Variants in RELN observed in about 807,000 individuals in gnomAD.
RELN encodes reelin.
In RELN, 108 loss-of-function variants were observed where a neutral mutation model predicts 427.6. The observed-to-expected ratio is 0.25, with a 90% CI of 0.22 to 0.30. RELN has a LOEUF of 0.30. Among genes scored for constraint, RELN ranks in the 10% least tolerant of loss-of-function variants. The pLI is 1.00. For synonymous variants in RELN, 1,524 were observed against 1,513.4 expected (o/e 1.01, Z -0.16); for missense variants, 3,715 against 4,302.8 (o/e 0.86, Z 3.82).
At chr7:103,936,267 A>C (rs948525991) in intron 1 of RELN, among the ~76,000 whole-genome samples, 2 of 151,928 alleles carry the variant, frequency 1.3e-5, no homozygotes, top group East Asian at 3.9e-4. Context: ...TAATTAATGT[A>C]TTTTTAGTAG....
intron 3 of RELN, among the ~76,000 whole-genome samples, chr7:103,828,634 A>G (rs1364781785): frequency 3.9e-5 from 6 of 151,954 alleles, no homozygotes; most frequent in Admixed American, 3.9e-4. Context: ...TTTTGCCTGT[A>G]ATTCACACAT....
intron 12 of RELN, among the ~76,000 whole-genome samples, chr7:103,659,776 T>C (rs1278814710): frequency 3.9e-5 from 6 of 152,182 alleles, no homozygotes; most frequent in African/African-American, 2.4e-5. Flanking sequence ...GTCTAAATAT[T>C]TATTTGGCAG....
intron 3 of RELN, among the ~76,000 whole-genome samples, chr7:103,789,297 A>G (rs1792099252): frequency 6.6e-6 from 1 of 152,212 alleles, no homozygotes; most frequent in Non-Finnish European, 1.5e-5. Flanking sequence ...CTTCATGACT[A>G]AAACACCTAA....
At chr7:103,976,157 A>G (rs767793512) in intron 1 of RELN, among the ~76,000 whole-genome samples, 13 of 152,242 alleles carry the variant, frequency 8.5e-5, no homozygotes, top group Non-Finnish European at 1.5e-4. Context: ...TCTCAAAGAC[A>G]GACTGGGAGC....
At chr7:103,786,276 C>T (rs1792012871) in intron 3 of RELN, among the ~76,000 whole-genome samples, 2 of 151,634 alleles carry the variant, frequency 1.3e-5, no homozygotes, top group African/African-American at 2.4e-5. Context: ...ATCATATACC[C>T]TTGTAGTTTT....
intron 2 of RELN, among the ~76,000 whole-genome samples, chr7:103,897,969 T>C (rs531880904): frequency 6.6e-6 from 1 of 152,150 alleles, no homozygotes; most frequent in Admixed American, 6.6e-5. Flanking sequence ...TTTAACAAAC[T>C]AATTAAAACT....
chr7:103,635,369 T>G (rs760794351), intron 19 of RELN, 56 bp downstream of exon 19: 1 of 1,566,276 alleles, frequency 6.4e-7, no homozygotes, highest in Non-Finnish European at 8.8e-7. Context: ...GAATTATGAT[T>G]TCCCCAGGAG....
intron 20 of RELN, among the ~76,000 whole-genome samples, chr7:103,614,012 T>C (rs887903465): frequency 2.0e-5 from 3 of 152,166 alleles, no homozygotes; most frequent in Non-Finnish European, 4.4e-5. Flanking sequence ...AACTACGAAA[T>C]TGGCTGAAGA....
intron 4 of RELN, among the ~76,000 whole-genome samples, chr7:103,761,180 G>A (rs193041777): frequency 2.0e-5 from 3 of 152,104 alleles, no homozygotes; most frequent in South Asian, 2.1e-4. Context: ...TAATATAAAC[G>A]AAATAGGAAC....
At chr7:103,633,486 T>C (rs924112872) in intron 19 of RELN, among the ~76,000 whole-genome samples, 1 of 151,442 alleles carries the variant, frequency 6.6e-6, no homozygotes, top group Non-Finnish European at 1.5e-5. Flanking sequence ...TATATATATA[T>C]ATATAGAAAA....
rs1030041298 is a variant in RELN, at chr7:103,749,351, C to A, written c.656+75G>T. 2.6e-6 allele frequency: 3 copies of A among 1,135,622 alleles called. No homozygotes were observed. The African/African-American group carries it at 4.6e-5, about 17-fold the overall frequency. 70.3% of individuals were successfully genotyped at this position (1,135,622 alleles called of 1,614,324 possible). On this transcript the variant is annotated intron_variant, in intron 6 of 64. Coordinates refer to ENST00000428762, the MANE Select transcript of RELN (RefSeq NM_005045.4). ...TAAAGATCAACTTAATTTTAAGTAA[C>A]TGCTCCTTAAAGGAGCAGTCAGCAT...
intron 38 of RELN, among the ~76,000 whole-genome samples, chr7:103,554,338 GGCCCAAGATGGGCAGATT>G (rs57805782): frequency 0.056 from 8,440 of 151,892 alleles, 761 homozygotes; most frequent in African/African-American, 0.19. Context: ...GCACTTTGGG[GGCCCAAGATGGGCAGATT>G]GCCCAAGCCT....
chr7:103,781,362 A>G (rs767233086), intron 3 of RELN, among the ~76,000 whole-genome samples: 6 of 152,146 alleles, frequency 3.9e-5, no homozygotes, highest in Non-Finnish European at 5.9e-5. Context: ...AATATATATT[A>G]TATATTCCAA....
At chr7:103,956,067 G>A (rs545718635) in intron 1 of RELN, among the ~76,000 whole-genome samples, 3 of 152,008 alleles carry the variant, frequency 2.0e-5, no homozygotes, top group Non-Finnish European at 4.4e-5. Flanking sequence ...AATTTCTGTC[G>A]TATTTTACCC....
intron 11 of RELN, among the ~76,000 whole-genome samples, chr7:103,663,672 C>A (rs1833194471): frequency 6.6e-6 from 1 of 152,184 alleles, no homozygotes; most frequent in South Asian, 2.1e-4. Context: ...GGCTTTGGTA[C>A]TGAATCAACT....
chr7:103,625,462 G>A (rs777852026), intron 20 of RELN, among the ~76,000 whole-genome samples: 4 of 152,096 alleles, frequency 2.6e-5, no homozygotes, highest in African/African-American at 9.7e-5. Context: ...GCAAAATAAC[G>A]TCTGTTAGCT....
Position 103,640,566 on chromosome 7 carries a change from T to C in RELN, c.2046A>G (p.Gly682=), listed in dbSNP as rs1253058346. The C allele has an allele frequency of 1.9e-6, 3 of 1,613,904 alleles. No individual in the cohort carries two copies. The highest frequency in any genetic ancestry group is 1.1e-5 in the South Asian group (1 of 91,084). Residue 682 remains glycine (G), a synonymous_variant, in exon 17 of 65, where the codon GGA becomes GGG. Coordinates refer to ENST00000428762, the MANE Select transcript of RELN (RefSeq NM_005045.4). The surrounding 1 kb of genome is among the most constrained non-coding windows in gnomAD (Gnocchi z 4.1). ...PSCLKFCSGR[G]QCTRHGCKCD... is the part of the protein sequence containing the mutation. ...ACTTGCAACCATGTCTAGTGCACTG[T>C]CCTCTGCCAGAACAGAATTTGAGAC...
chr7:103,895,290 G>T (rs1794935479), intron 2 of RELN, among the ~76,000 whole-genome samples: 1 of 151,650 alleles, frequency 6.6e-6, no homozygotes, highest in South Asian at 2.1e-4. Flanking sequence ...TTGTTGACTT[G>T]TAACAGGAAA....
chr7:103,729,427 T>C (rs898182106), intron 6 of RELN, among the ~76,000 whole-genome samples: 3 of 152,208 alleles, frequency 2.0e-5, no homozygotes, highest in African/African-American at 4.8e-5. Context: ...ACTTCCTATA[T>C]GTTTACCACA....
Sources: allele counts gnomAD v4.1 joint callset (sites outside exome capture counted in the v4.1 genomes callset), GRCh38; gene constraint gnomAD v4.1.1; non-coding constraint Gnocchi (gnomAD v3.1); transcripts MANE v1.5; gene names NCBI Gene and HGNC (gene_info 2026-07-23, HGNC 2026-07-21).